PDE8A: variants seen among roughly 807,000 people sequenced by gnomAD.
PDE8A encodes the protein phosphodiesterase 8A.
A neutral mutation model predicts 105.0 loss-of-function variants in PDE8A; 59 were observed. The ratio of observed to expected loss-of-function variants is 0.56; its 90% CI spans 0.46 to 0.70. PDE8A has a LOEUF of 0.70. Ranked by LOEUF, PDE8A falls within the 30% of genes least tolerant of loss-of-function variation. The pLI is 0.00. For synonymous variants in PDE8A, 355 were observed against 371.9 expected (o/e 0.95, Z 0.52); for missense variants, 1,014 against 1,045.9 (o/e 0.97, Z 0.42).
At chr15:85,030,580 A>G (rs996932674) in intron 1 of PDE8A, among the ~76,000 whole-genome samples, 10 of 152,168 alleles carry the variant, frequency 6.6e-5, no homozygotes, top group South Asian at 2.1e-4. Flanking sequence ...ATGAGACCCA[A>G]CTAGGCCCTC....
chr15:85,005,151 GGTCTTGCTGT>G (rs1448109297), intron 1 of PDE8A, among the ~76,000 whole-genome samples: 1 of 151,890 alleles, frequency 6.6e-6, no homozygotes, highest in African/African-American at 2.4e-5. Flanking sequence ...TTTGAAACAG[GGTCTTGCTGT>G]GTCACCCAGA....
rs1246104954 is a variant in PDE8A at position 85,121,015 on chromosome 15, G to T, written c.1952+1G>T. ...GCAATATATTTAAAAACATGGAGAG[G>T]TAAGAACAATGATTGGGAAGTGTGT... On this transcript the variant is annotated splice_donor_variant, in intron 18 of 21. Coordinates refer to ENST00000394553, the MANE Select transcript of PDE8A (RefSeq NM_002605.3). LOFTEE classifies it high-confidence loss of function. The T allele has an allele frequency of 5.7e-6, 9 of 1,585,332 alleles. No individual in the cohort carries two copies. The highest frequency in any genetic ancestry group is 7.8e-6 in the Non-Finnish European group (9 of 1,157,612).
intron 1 of PDE8A, among the ~76,000 whole-genome samples, chr15:85,018,212 G>T (rs59878814): frequency 0.086 from 13,089 of 152,046 alleles, 1,550 homozygotes; most frequent in African/African-American, 0.27. Context: ...GGCAAACTTG[G>T]GATATATTTT....
intron 21 of PDE8A, 80 bp downstream of exon 21, chr15:85,136,743 T>C (rs1567310461): frequency 2.2e-6 from 3 of 1,373,008 alleles, no homozygotes; most frequent in East Asian, 4.8e-5. Context: ...TGCATTTGAC[T>C]GTAGAATATG....
chr15:85,009,546 G>A (rs142091937), intron 1 of PDE8A, among the ~76,000 whole-genome samples: 9 of 152,298 alleles, frequency 5.9e-5, no homozygotes, highest in Admixed American at 4.6e-4. Flanking sequence ...TTTCAGGCTG[G>A]AGAAGGGACT....
chr15:85,067,869 G>A (rs1450044263), intron 3 of PDE8A, among the ~76,000 whole-genome samples: 1 of 152,044 alleles, frequency 6.6e-6, no homozygotes, highest in Non-Finnish European at 1.5e-5. Flanking sequence ...TTGTTTCCTT[G>A]GTGTTGAGAA....
chr15:85,060,363 A>G (rs1335394877), intron 1 of PDE8A, among the ~76,000 whole-genome samples: 1 of 152,230 alleles, frequency 6.6e-6, no homozygotes, highest in Non-Finnish European at 1.5e-5. Context: ...TTAAAGCTTT[A>G]TGTAGTTGGT....
intron 1 of PDE8A, among the ~76,000 whole-genome samples, chr15:85,032,909 T>C (rs1211095423): frequency 6.6e-6 from 1 of 152,184 alleles, no homozygotes; most frequent in African/African-American, 2.4e-5. Flanking sequence ...TGTTACTCCA[T>C]ATTCAAAAAA....
intron 3 of PDE8A, among the ~76,000 whole-genome samples, chr15:85,070,383 GA>G (rs1164938821): frequency 6.6e-6 from 1 of 152,208 alleles, no homozygotes; most frequent in Non-Finnish European, 1.5e-5. Context: ...CTACATAGAT[GA>G]GTAAGATGTG....
rs771772430 is a variant in PDE8A at position 85,109,068 on chromosome 15, A to C, written c.1052A>C (p.Lys351Thr). Residue 351 changes from lysine (K) to threonine (T), a missense_variant, in exon 12 of 22, where the codon AAA (lysine) becomes ACA (threonine). Lys to Thr is a moderately conservative substitution (Grantham distance 78). Transcript: ENST00000394553. ...GTTTCTACAGATAATCAGACAGGCA[A>C]ACATAAAGACAGGAGAAAAGGCTCA... is the stretch of plus-strand genomic sequence containing the variant. The part of the protein sequence containing the change: ...SDTHTDNQTG[K>T]HKDRRKGSLD... 1 of 1,608,806 alleles carries C rather than the reference A, an allele frequency of 6.2e-7. No individual in the cohort carries two copies. Among genetic ancestry groups the C allele is most frequent in the East Asian group, 2.2e-5 (1 of 44,870 alleles).
chr15:85,082,159 G>T (rs1335511642), intron 5 of PDE8A, among the ~76,000 whole-genome samples: 1 of 152,154 alleles, frequency 6.6e-6, no homozygotes, highest in Non-Finnish European at 1.5e-5. Context: ...GCTGATGGAG[G>T]TGTGGACAGC....
intron 1 of PDE8A, among the ~76,000 whole-genome samples, chr15:85,032,479 C>G (rs889820232): frequency 6.6e-6 from 1 of 152,124 alleles, no homozygotes; most frequent in Non-Finnish European, 1.5e-5. Context: ...TTTTAAAGAC[C>G]TAGACTTCCT....
intron 15 of PDE8A, 104 bp from the exon 16 acceptor site, chr15:85,115,880 A>C (rs1404367370): frequency 9.6e-6 from 10 of 1,042,722 alleles, no homozygotes; most frequent in Non-Finnish European, 1.3e-5. Context: ...AGACTGTACC[A>C]CAACACTCCA....
intron 1 of PDE8A, among the ~76,000 whole-genome samples, chr15:85,048,638 C>T (rs1172970644): frequency 6.6e-6 from 1 of 152,216 alleles, no homozygotes; most frequent in Non-Finnish European, 1.5e-5. Flanking sequence ...AGGTCAGTCT[C>T]ATTCATTTGC....
At chr15:85,057,601 C>G (rs1268308784) in intron 1 of PDE8A, among the ~76,000 whole-genome samples, 1 of 152,200 alleles carries the variant, frequency 6.6e-6, no homozygotes. Flanking sequence ...AGAAATCACC[C>G]GTCTTCCATG....
chr15:84,993,315 T>A (rs545472961), intron 1 of PDE8A, among the ~76,000 whole-genome samples: 1 of 151,692 alleles, frequency 6.6e-6, no homozygotes, highest in African/African-American at 2.4e-5. Context: ...TGGTGGCAGG[T>A]GCCTGTAGTC....
At chr15:85,079,632 G>C (rs1352424352) in intron 5 of PDE8A, among the ~76,000 whole-genome samples, 3 of 152,218 alleles carry the variant, frequency 2.0e-5, no homozygotes, top group Admixed American at 2.0e-4. Flanking sequence ...ATAGAAGCAG[G>C]CTGGGCACGG....
intron 1 of PDE8A, among the ~76,000 whole-genome samples, chr15:85,026,282 T>G (rs1012294573): frequency 2.6e-5 from 4 of 151,672 alleles, no homozygotes; most frequent in African/African-American, 9.7e-5. Context: ...TGGCTGGGGG[T>G]TGGGATCATT....
chr15:85,037,314 C>CT (rs1324529028), intron 1 of PDE8A, among the ~76,000 whole-genome samples: 2 of 152,172 alleles, frequency 1.3e-5, no homozygotes, highest in Non-Finnish European at 2.9e-5. Flanking sequence ...ATCTGCCCGC[C>CT]TCTGCCTCCC....
Sources: allele counts gnomAD v4.1 joint callset (sites outside exome capture counted in the v4.1 genomes callset), GRCh38; gene constraint gnomAD v4.1.1; transcripts MANE v1.5; gene names NCBI Gene and HGNC (gene_info 2026-07-23, HGNC 2026-07-21).